The following SHANK2 variants were observed in gnomAD, a reference collection of about 807,000 sequenced individuals.
SHANK2 encodes the protein SH3 and multiple ankyrin repeat domains 2, also known as SH3 and multiple ankyrin repeat domains protein 2.
A neutral mutation model predicts 133.7 loss-of-function variants in SHANK2; 43 were observed. The ratio of observed to expected loss-of-function variants is 0.32; its 90% CI spans 0.25 to 0.41. The LOEUF is 0.41. Among genes scored for constraint, SHANK2 ranks in the 10% least tolerant of loss-of-function variants. SHANK2 has a pLI of 1.00. For synonymous variants in SHANK2, 1,017 were observed against 952.8 expected, an observed-to-expected ratio of 1.07 and a Z score of -1.24; for missense variants, 1,994 against 2,235.8, an observed-to-expected ratio of 0.89 and a Z score of 2.18.
At chr11:71,149,310 T>C (rs1565479998) in intron 2 of SHANK2, among the ~76,000 whole-genome samples, 1 of 152,172 alleles carries the variant, frequency 6.6e-6, no homozygotes, top group Non-Finnish European at 1.5e-5. Context: ...TAGACCCTTG[T>C]CAGCCCCGCC....
intron 8 of SHANK2, among the ~76,000 whole-genome samples, chr11:71,087,979 T>G (rs1951441318): frequency 6.6e-6 from 1 of 152,204 alleles, no homozygotes; most frequent in Admixed American, 6.5e-5. Flanking sequence ...CCTGGAGGAC[T>G]CATTCACTAA....
At chr11:70,511,014 A>C (rs1227974802) in intron 17 of SHANK2, among the ~76,000 whole-genome samples, 1 of 152,244 alleles carries the variant, frequency 6.6e-6, no homozygotes, top group Non-Finnish European at 1.5e-5. Flanking sequence ...GTCCTTCCCC[A>C]AAAGTAAGAA....
At chr11:70,579,325 G>A (rs1263920104) in intron 17 of SHANK2, among the ~76,000 whole-genome samples, 1 of 152,220 alleles carries the variant, frequency 6.6e-6, no homozygotes, top group Non-Finnish European at 1.5e-5. Flanking sequence ...GGAGCATGAA[G>A]TGTCCCTGAA....
chr11:71,098,978 C>G (rs2041554013), intron 6 of SHANK2, among the ~76,000 whole-genome samples: 1 of 152,080 alleles, frequency 6.6e-6, no homozygotes, highest in African/African-American at 2.4e-5. Flanking sequence ...CAGCATCGCC[C>G]AAGATGAGCC....
At chr11:70,612,614 C>T (rs72944900) in intron 17 of SHANK2, among the ~76,000 whole-genome samples, 1,554 of 152,292 alleles carry the variant, frequency 0.01, 10 homozygotes, top group Middle Eastern at 0.024. Flanking sequence ...AAATGCAAAA[C>T]GCTCAACGCT....
intron 2 of SHANK2, among the ~76,000 whole-genome samples, chr11:71,212,740 G>A (rs571146997): frequency 7.9e-5 from 12 of 152,320 alleles, no homozygotes; most frequent in African/African-American, 2.2e-4. Flanking sequence ...CTTCCTCAAC[G>A]TCAAACACCA....
Position 70,473,621 on chromosome 11 carries a change from A to G in SHANK2, c.4980-182T>C. ...GGTGGGGGAGGGGGAGAAAGGGGCC[A>G]GAGCAAAGTTGGAGACACCAGAGCA... On this transcript the variant is annotated intron_variant, in intron 25 of 25. Transcript: ENST00000601538. This position sits in a 1 kb window ranked among gnomAD's most constrained non-coding sequence, Gnocchi z 5.9. 2.8e-6 allele frequency: 2 copies of G among 702,028 alleles called. No individual in the cohort carries two copies. The highest frequency in any genetic ancestry group is 3.1e-5 in the South Asian group (2 of 63,954). The allele number at this position is 702,028 out of a possible 1,614,324, so 43.5% of individuals were successfully genotyped here.
In SHANK2 at chr11:70,680,133, G is replaced by A. The variant is rs528921560; in HGVS notation, c.1854-18455C>T. On this transcript the variant is annotated intron_variant, in intron 15 of 25. Transcript: ENST00000601538. ...CAGCCTCGGTTTCTCCATCTGTAAC[G>A]TGGGGCCATCGCACCCCATCCCAGG... 7.2e-5 allele frequency among the ~76,000 whole-genome samples: 11 copies of A among 152,256 alleles called. No homozygotes were observed. In the South Asian group the frequency reaches 2.1e-3, roughly 29 times the overall value.
intron 14 of SHANK2, among the ~76,000 whole-genome samples, chr11:70,734,643 C>T (rs1472342291): frequency 6.6e-6 from 1 of 152,234 alleles, no homozygotes; most frequent in East Asian, 1.9e-4. Flanking sequence ...ACTCTCCTCC[C>T]AGCCAGAGGC....
chr11:70,788,055 C>T (rs187456489), intron 14 of SHANK2, among the ~76,000 whole-genome samples: 1 of 152,310 alleles, frequency 6.6e-6, no homozygotes, highest in Admixed American at 6.5e-5. Context: ...GATAACGTTA[C>T]ATGGCCTGCA....
rs375578225 is a variant in SHANK2 at position 71,224,237 on chromosome 11, C to T, written c.-13+460G>A. On this transcript the variant is annotated intron_variant, in intron 2 of 25. Transcript: ENST00000601538. The stretch of plus-strand genomic sequence containing the variant: ...TGATACCAGCAAGGCACAGAGGAGG[C>T]GCTCAAGAATAGAGCCACTGAGCAC... Among the ~76,000 whole-genome samples the T allele has an allele frequency of 1.1e-3, 174 of 152,274 alleles. 1 individual carries two copies. Among genetic ancestry groups the T allele is most frequent in the African/African-American group, 3.8e-3 (156 of 41,544 alleles).
At chr11:70,950,243 C>A (rs1012111799) in intron 10 of SHANK2, 1 of 410,412 alleles carries the variant, frequency 2.4e-6, no homozygotes, top group Non-Finnish European at 4.9e-6. Flanking sequence ...GTGGCAAGAT[C>A]TCTGCTCACT....
At chr11:70,528,543 G>A (rs1554972570) in intron 17 of SHANK2, among the ~76,000 whole-genome samples, 3 of 152,122 alleles carry the variant, frequency 2.0e-5, no homozygotes, top group African/African-American at 7.2e-5. Context: ...AGCCTGCCCC[G>A]GTCAGCCAGC....
chr11:70,758,588 A>G (rs2134960555), intron 14 of SHANK2, among the ~76,000 whole-genome samples: 1 of 152,336 alleles, frequency 6.6e-6, no homozygotes, highest in African/African-American at 2.4e-5. Context: ...TGAGGCCAAG[A>G]ACCCCAGGTC....
At chr11:70,576,123 G>A (rs1435190024) in intron 17 of SHANK2, among the ~76,000 whole-genome samples, 1 of 152,100 alleles carries the variant, frequency 6.6e-6, no homozygotes, top group African/African-American at 2.4e-5. Context: ...TGAGCACCAG[G>A]CCATTTGTGT....
At chr11:70,864,002 A>C in intron 11 of SHANK2, 1 of 386,342 alleles carries the variant, frequency 2.6e-6, no homozygotes. Context: ...AGCAAACAAA[A>C]ACTGGCTCCA....
At chr11:70,613,498 C>T (rs536987394) in intron 17 of SHANK2, among the ~76,000 whole-genome samples, 52 of 152,210 alleles carry the variant, frequency 3.4e-4, no homozygotes, top group African/African-American at 9.9e-4. Flanking sequence ...CCGCCGCACC[C>T]GGCCATGTTT....
chr11:70,593,114 C>T (rs2060349006), intron 17 of SHANK2, among the ~76,000 whole-genome samples: 1 of 152,206 alleles, frequency 6.6e-6, no homozygotes, highest in South Asian at 2.1e-4. Context: ...TGTCAAAGTC[C>T]TCCCAGCACC....
chr11:71,229,003 A>T (rs1290966036), intron 1 of SHANK2, among the ~76,000 whole-genome samples: 2 of 152,236 alleles, frequency 1.3e-5, no homozygotes, highest in African/African-American at 2.4e-5. Context: ...AGATCATATC[A>T]ATCAATGCAG....
Sources: gnomAD v4.1 joint callset for allele counts (sites outside exome capture counted in the v4.1 genomes callset) on GRCh38, gnomAD v4.1.1 for gene constraint, Gnocchi (gnomAD v3.1) non-coding constraint, MANE v1.5 for transcripts, NCBI Gene and HGNC (gene_info 2026-07-23, HGNC 2026-07-21) for gene names.